MAML3: variants seen among roughly 807,000 people sequenced by gnomAD.
The protein encoded by MAML3 is mastermind like transcriptional coactivator 3, also known as mastermind-like protein 3.
A neutral mutation model predicts 101.9 loss-of-function variants in MAML3; 27 were observed. The ratio of observed to expected loss-of-function variants is 0.27; its 90% CI spans 0.20 to 0.37. The LOEUF is 0.37. Ranked by LOEUF, MAML3 falls within the 10% of genes least tolerant of loss-of-function variation. MAML3 has a pLI of 1.00. For synonymous variants in MAML3, 501 were observed against 555.9 expected, an observed-to-expected ratio of 0.90 and a Z score of 1.39; for missense variants, 1,316 against 1,444.9, an observed-to-expected ratio of 0.91 and a Z score of 1.45.
chr4:139,901,987 G>A (rs1479612653), intron 1 of MAML3, among the ~76,000 whole-genome samples: 1 of 152,186 alleles, frequency 6.6e-6, no homozygotes, highest in African/African-American at 2.4e-5. Context: ...AGGGTGCCCA[G>A]ACCTGAGACT....
intron 2 of MAML3, among the ~76,000 whole-genome samples, chr4:139,885,452 A>G (rs1462713751): frequency 6.6e-6 from 1 of 152,080 alleles, no homozygotes; most frequent in Non-Finnish European, 1.5e-5. Context: ...GATGCCCTAA[A>G]TACCCTGACT....
At position 139,716,764 on chromosome 4, in the gene MAML3, A is replaced by AAT. The variant is rs1727984414; in HGVS notation, c.*2557_*2558dup. On this transcript the variant is annotated 3_prime_UTR_variant, in exon 5 of 5. Transcript: ENST00000509479. ...AACTATACTTTGGATTGATTCAGATAATCTTTTATTTTTGTTTTTGTTTTC... is the reference window on the plus strand; with the variant it reads ...AACTATACTTTGGATTGATTCAGATAATATCTTTTATTTTTGTTTTTGTTTTC... 1 of 152,498 alleles carries AAT rather than the reference A, an allele frequency of 6.6e-6. No homozygotes were observed. Among genetic ancestry groups the AAT allele is most frequent in the South Asian group, 2.1e-4 (1 of 4,836 alleles). 9.4% of individuals were successfully genotyped at this position (152,498 alleles called of 1,614,324 possible).
chr4:139,941,298 T>C (rs1232232945), intron 1 of MAML3, among the ~76,000 whole-genome samples: 1 of 152,254 alleles, frequency 6.6e-6, no homozygotes, highest in Non-Finnish European at 1.5e-5. Context: ...ATCTTGGTTT[T>C]CTTACGGTAT....
intron 2 of MAML3, among the ~76,000 whole-genome samples, chr4:139,745,503 A>C (rs1467843823): frequency 6.6e-6 from 1 of 152,140 alleles, no homozygotes; most frequent in African/African-American, 2.4e-5. Context: ...TGGGAACTGA[A>C]AAAAGCCAAA....
intron 1 of MAML3, among the ~76,000 whole-genome samples, chr4:139,956,551 G>C (rs1375359122): frequency 6.6e-6 from 1 of 152,186 alleles, no homozygotes; most frequent in Non-Finnish European, 1.5e-5. Flanking sequence ...AGGAAAAATA[G>C]AGTCCCCGAA....
chr4:139,854,797 CA>C (rs1731626328), intron 2 of MAML3, among the ~76,000 whole-genome samples: 1 of 151,576 alleles, frequency 6.6e-6, no homozygotes, highest in Non-Finnish European at 1.5e-5. Flanking sequence ...GGTGGGGACT[CA>C]GGTCATCTGG....
chr4:140,068,365 A>T (rs913734498), intron 1 of MAML3, among the ~76,000 whole-genome samples: 10 of 152,190 alleles, frequency 6.6e-5, no homozygotes, highest in Admixed American at 5.9e-4. Context: ...TATTTTCTCA[A>T]GGGGAAGGTA....
In MAML3 at chr4:139,997,880, T is replaced by C. The variant is rs936669800; in HGVS notation, c.469-106913A>G. Among the ~76,000 whole-genome samples, 16 of 152,270 alleles carry C rather than the reference T, an allele frequency of 1.1e-4. No individual in the cohort carries two copies. In the East Asian group the frequency reaches 3.1e-3, roughly 29 times the overall value. ...TTTTAGTATTCTGTCATTCTTTTTT[T>C]TAAAAATGAGAAGCCAGCCATTCAT... On this transcript the variant is annotated intron_variant, in intron 1 of 4. Transcript: ENST00000509479.
rs372104853 is a variant in MAML3, at chr4:139,890,731, G to A, written c.705C>T (p.His235=). The A allele has an allele frequency of 3.7e-6, 6 of 1,613,922 alleles. No individual in the cohort carries two copies. In the African/African-American group the frequency reaches 4.0e-5, roughly 11 times the overall value. The change falls in exon 2 of 5, where the codon CAC becomes CAT. Residue 235 remains histidine (H), a synonymous_variant. Coordinates refer to ENST00000509479, the MANE Select transcript of MAML3 (RefSeq NM_018717.5). This position sits in a 1 kb window ranked among gnomAD's most constrained non-coding sequence, Gnocchi z 4.1. The part of the protein sequence containing the change: ...PSLPLQNSGT[H]TPGLLEDLSK... Reference sequence around the variant, plus strand: ...TTAGATCTTCTAGAAGCCCAGGAGTGTGAGTTCCACTGTTCTGCAAGGGCA... The same window carrying A: ...TTAGATCTTCTAGAAGCCCAGGAGTATGAGTTCCACTGTTCTGCAAGGGCA...
At chr4:140,038,327 GGC>G (rs1167091783) in intron 1 of MAML3, among the ~76,000 whole-genome samples, 2 of 152,234 alleles carry the variant, frequency 1.3e-5, no homozygotes, top group East Asian at 3.8e-4. Flanking sequence ...CCAGCTGGCT[GGC>G]AATGGTGCAC....
chr4:139,829,537 G>T (rs1731125922), intron 2 of MAML3, among the ~76,000 whole-genome samples: 1 of 152,236 alleles, frequency 6.6e-6, no homozygotes, highest in Admixed American at 6.5e-5. Context: ...ATTCCACTGT[G>T]CAGTGATGGG....
chr4:139,802,110 G>T (rs959802467), intron 2 of MAML3, among the ~76,000 whole-genome samples: 1 of 152,160 alleles, frequency 6.6e-6, no homozygotes, highest in Admixed American at 6.5e-5. Context: ...AGAGTCTAGT[G>T]AAGGGGGAGA....
At chr4:139,928,314 G>A (rs754224176) in intron 1 of MAML3, among the ~76,000 whole-genome samples, 4 of 152,224 alleles carry the variant, frequency 2.6e-5, no homozygotes, top group Non-Finnish European at 5.9e-5. Context: ...AATTTGGCAT[G>A]TACCACGCTG....
intron 1 of MAML3, among the ~76,000 whole-genome samples, chr4:140,016,474 G>A (rs12509820): frequency 0.27 from 41,107 of 151,874 alleles, 6,695 homozygotes; most frequent in Non-Finnish European, 0.37. Flanking sequence ...TATAATGGAA[G>A]CAATTTTGAA....
At chr4:139,768,613 AC>A (rs778901421) in intron 2 of MAML3, among the ~76,000 whole-genome samples, 1 of 152,208 alleles carries the variant, frequency 6.6e-6, no homozygotes, top group Non-Finnish European at 1.5e-5. Context: ...AAACTGTTCT[AC>A]TAATGTTCAG....
rs116142303 is a variant in MAML3, at chr4:139,920,714, T to C, written c.469-29747A>G. Among the ~76,000 whole-genome samples, 716 of 152,288 alleles carry C rather than the reference T, an allele frequency of 4.7e-3. 6 individuals are homozygous for C. The highest frequency in any genetic ancestry group is 0.016 in the African/African-American group (682 of 41,562). On this transcript the variant is annotated intron_variant, in intron 1 of 4. Coordinates refer to ENST00000509479, the MANE Select transcript of MAML3 (RefSeq NM_018717.5). ...ATCCTTAATAGAGCAGAATTAAGTGTCTGCAGGGAGGCTGTAATTTCTACA... is the reference window on the plus strand; with the variant it reads ...ATCCTTAATAGAGCAGAATTAAGTGCCTGCAGGGAGGCTGTAATTTCTACA...
intron 1 of MAML3, among the ~76,000 whole-genome samples, chr4:140,067,200 G>GGTGTGT (rs34701956): frequency 1.2e-3 from 173 of 149,856 alleles, no homozygotes; most frequent in East Asian, 2.8e-3. Context: ...AAATTTTAGG[G>GGTGTGT]GTGTGTGTGT....
In MAML3 at chr4:140,056,359, CT is replaced by C. The variant is rs531466780; in HGVS notation, c.468+96500del. ...GCTAATCTTAGTTTTCTTTTCTTTT[CT>C]TTTTTTTTTTTTTAAAGACAGAGTC... On this transcript the variant is annotated intron_variant, in intron 1 of 4. Transcript: ENST00000509479. 2.7e-3 allele frequency among the ~76,000 whole-genome samples: 389 copies of C among 143,624 alleles called. 1 individual carries two copies. The highest frequency in any genetic ancestry group is 4.3e-3 in the African/African-American group (169 of 39,244). The allele number at this position is 143,624 out of a possible 152,430, so 94.2% of individuals were successfully genotyped here. A position where few individuals can be genotyped will look rare whatever the true frequency, so the allele number is the denominator to read the frequency against.
At chr4:139,969,696 T>G (rs1306114839) in intron 1 of MAML3, among the ~76,000 whole-genome samples, 1 of 152,168 alleles carries the variant, frequency 6.6e-6, no homozygotes. Flanking sequence ...GGAAACAGCT[T>G]CCAGACTCCC....
Sources: gnomAD v4.1 joint callset for allele counts (sites outside exome capture counted in the v4.1 genomes callset) on GRCh38, gnomAD v4.1.1 for gene constraint, Gnocchi (gnomAD v3.1) non-coding constraint, MANE v1.5 for transcripts, NCBI Gene and HGNC (gene_info 2026-07-23, HGNC 2026-07-21) for gene names.